Variants in MSRA observed in about 807,000 individuals in gnomAD.
MSRA encodes the protein mitochondrial peptide methionine sulfoxide reductase.
Under a neutral mutation model 31.3 loss-of-function variants are expected in MSRA, and 54 were observed. The observed-to-expected ratio is 1.73, with a 90% CI of 1.39 to 2.17. MSRA has a LOEUF of 2.17. MSRA is among the 30% of genes most tolerant of loss of function. The probability of loss-of-function intolerance (pLI) is 0.00; values close to 1 mark genes in which losing one functional copy is unlikely to be tolerated. For synonymous variants in MSRA, 169 were observed against 116.5 expected (o/e 1.45, Z -2.90); for missense variants, 507 against 300.9 (o/e 1.69, Z -5.07).
intron 5 of MSRA, among the ~76,000 whole-genome samples, chr8:10,424,065 C>T (rs1330427329): frequency 2.0e-5 from 3 of 152,170 alleles, no homozygotes; most frequent in Non-Finnish European, 2.9e-5. Flanking sequence ...TGCGATGCCA[C>T]GCGAACATAG....
At chr8:10,104,237 C>G (rs1221902351) in intron 1 of MSRA, among the ~76,000 whole-genome samples, 2 of 152,164 alleles carry the variant, frequency 1.3e-5, no homozygotes, top group Non-Finnish European at 2.9e-5. Context: ...TTCAGCTTTA[C>G]TCAGTAATGC....
intron 5 of MSRA, among the ~76,000 whole-genome samples, chr8:10,409,859 C>T (rs1057133632): frequency 2.6e-5 from 4 of 152,122 alleles, no homozygotes; most frequent in Non-Finnish European, 4.4e-5. Flanking sequence ...GCTAGGAGTT[C>T]GAGACCAGCC....
At chr8:10,281,197 G>A (rs1017953180) in intron 3 of MSRA, among the ~76,000 whole-genome samples, 14 of 152,284 alleles carry the variant, frequency 9.2e-5, no homozygotes, top group South Asian at 2.1e-4. Flanking sequence ...AGAGAAAAAA[G>A]CATTTTCTAC....
At chr8:10,286,707 C>T (rs969633586) in intron 3 of MSRA, among the ~76,000 whole-genome samples, 3 of 152,220 alleles carry the variant, frequency 2.0e-5, no homozygotes, top group African/African-American at 7.2e-5. Flanking sequence ...TCTCCAAGAG[C>T]AGGCTCAGTG....
intron 3 of MSRA, among the ~76,000 whole-genome samples, chr8:10,257,108 G>T (rs534501493): frequency 1.5e-4 from 23 of 152,274 alleles, no homozygotes; most frequent in Non-Finnish European, 2.6e-4. Flanking sequence ...TGCAAGGCAG[G>T]GTTAGTGCTC....
chr8:10,396,081 C>A (rs778577082), intron 5 of MSRA, among the ~76,000 whole-genome samples: 1 of 152,186 alleles, frequency 6.6e-6, no homozygotes, highest in Admixed American at 6.5e-5. Context: ...CTTAGAGGCA[C>A]CTTTTCATCT....
chr8:10,324,092 C>G lies in MSRA; in HGVS notation c.543+4103C>G, dbSNP rs1468917541. Among the ~76,000 whole-genome samples the G allele has an allele frequency of 7.2e-5, 11 of 152,218 alleles. No individual in the cohort carries two copies. In the East Asian group the frequency reaches 2.1e-3, roughly 29 times the overall value. On this transcript the variant is annotated intron_variant, in intron 5 of 5. Transcript: ENST00000317173. ...AGACCAGTGCTTCCTTTCAGCACCA[C>G]TCGCCTTTCCGCCATGATGCTGTGG...
chr8:10,401,347 T>C (rs1807450454), intron 5 of MSRA, among the ~76,000 whole-genome samples: 1 of 152,114 alleles, frequency 6.6e-6, no homozygotes, highest in Non-Finnish European at 1.5e-5. Flanking sequence ...AAATCAAAAC[T>C]ACAGTGAGAA....
At chr8:10,145,037 C>T (rs1206723582) in intron 1 of MSRA, among the ~76,000 whole-genome samples, 2 of 152,152 alleles carry the variant, frequency 1.3e-5, no homozygotes, top group East Asian at 3.9e-4. Context: ...CAATAAATAG[C>T]TGTCAGGCTT....
At chr8:10,199,510 G>T (rs889239362) in intron 1 of MSRA, among the ~76,000 whole-genome samples, 1 of 152,030 alleles carries the variant, frequency 6.6e-6, no homozygotes, top group East Asian at 1.9e-4. Flanking sequence ...AGTAGAGATG[G>T]CGTTTCACCA....
chr8:10,403,012 T>A lies in MSRA; in HGVS notation c.544-25136T>A, dbSNP rs114416101. ...AGACAGCTTCTAAGCAACCAGAAGT[T>A]ATGTAGCCAAGTTCATGCACAAAAG... On this transcript the variant is annotated intron_variant, in intron 5 of 5. Coordinates refer to ENST00000317173, the MANE Select transcript of MSRA (RefSeq NM_012331.5). Among the ~76,000 whole-genome samples the A allele has an allele frequency of 7.0e-3, 1,068 of 152,302 alleles. 10 individuals carry two copies. Among genetic ancestry groups the A allele is most frequent in the African/African-American group, 0.022 (920 of 41,546 alleles).
intron 1 of MSRA, among the ~76,000 whole-genome samples, chr8:10,056,857 C>A (rs755317222): frequency 6.6e-6 from 1 of 152,118 alleles, no homozygotes; most frequent in Admixed American, 6.5e-5. Flanking sequence ...TTATTTGTAC[C>A]CTGACCCTCA....
At chr8:10,055,761 G>A (rs1227718818) in intron 1 of MSRA, among the ~76,000 whole-genome samples, 2 of 152,212 alleles carry the variant, frequency 1.3e-5, no homozygotes, top group Non-Finnish European at 2.9e-5. Context: ...AGGATAGGAG[G>A]AGGTCATATT....
rs1014950535 is a variant in MSRA at position 10,177,396 on chromosome 8, G to A, written c.143-30437G>A. ...TTTGAATCAAGATGCTTATGGTATG[G>A]CATCCTAGAGTCGATTGCTTTTTAA... On this transcript the variant is annotated intron_variant, in intron 1 of 5. Coordinates refer to ENST00000317173, the MANE Select transcript of MSRA (RefSeq NM_012331.5). 4.6e-5 allele frequency among the ~76,000 whole-genome samples: 7 copies of A among 152,194 alleles called. No homozygotes were observed. In the East Asian group the frequency reaches 1.3e-3, roughly 29 times the overall value.
At chr8:10,177,056 C>T (rs910903394) in intron 1 of MSRA, among the ~76,000 whole-genome samples, 1 of 152,170 alleles carries the variant, frequency 6.6e-6, no homozygotes, top group Non-Finnish European at 1.5e-5. Context: ...AAATGGTTCT[C>T]AAGACTTGTT....
chr8:10,144,014 G>A (rs191543999), intron 1 of MSRA, among the ~76,000 whole-genome samples: 7 of 152,252 alleles, frequency 4.6e-5, no homozygotes, highest in South Asian at 2.1e-4. Flanking sequence ...CGTGAGGCTC[G>A]TGGGATGGTG....
chr8:10,422,841 G>A (rs906689449), intron 5 of MSRA, among the ~76,000 whole-genome samples: 1 of 152,198 alleles, frequency 6.6e-6, no homozygotes, highest in Non-Finnish European at 1.5e-5. Context: ...CCAGGCTTTT[G>A]AACCAATCTA....
chr8:10,365,229 A>C (rs1478642241), intron 5 of MSRA, among the ~76,000 whole-genome samples: 1 of 150,810 alleles, frequency 6.6e-6, no homozygotes, highest in Non-Finnish European at 1.5e-5. Context: ...AGCTCAGAGT[A>C]CTGTTCTTAA....
intron 1 of MSRA, among the ~76,000 whole-genome samples, chr8:10,078,847 G>A (rs146846653): frequency 0.02 from 3,067 of 152,346 alleles, 37 homozygotes; most frequent in Admixed American, 0.022. Flanking sequence ...ATTTTCACCT[G>A]CAGCTGAATT....
Sources: gnomAD v4.1 joint callset for allele counts (sites outside exome capture counted in the v4.1 genomes callset) on GRCh38, gnomAD v4.1.1 for gene constraint, MANE v1.5 for transcripts, NCBI Gene and HGNC (gene_info 2026-07-23, HGNC 2026-07-21) for gene names.